Variants in PPP3CA observed in about 807,000 individuals in gnomAD.
The protein encoded by PPP3CA is CAM-PRP catalytic subunit.
In PPP3CA, 14 loss-of-function variants were observed where a neutral mutation model predicts 66.5. The observed-to-expected ratio is 0.21, with a 90% CI of 0.14 to 0.33. PPP3CA has a LOEUF of 0.33. PPP3CA is among the 10% of genes least tolerant of loss of function. The pLI is 1.00. For synonymous variants in PPP3CA, 232 were observed against 226.2 expected (o/e 1.03, Z -0.23); for missense variants, 317 against 639.5 (o/e 0.50, Z 5.44).
intron 1 of PPP3CA, among the ~76,000 whole-genome samples, chr4:101,273,925 ATTGAT>A (rs1727410967): frequency 6.6e-6 from 1 of 152,134 alleles, no homozygotes; most frequent in African/African-American, 2.4e-5. Flanking sequence ...AAATTTTATA[ATTGAT>A]TTAAGTAAAA....
At chr4:101,155,793 T>G (rs1723299037) in intron 2 of PPP3CA, among the ~76,000 whole-genome samples, 1 of 152,228 alleles carries the variant, frequency 6.6e-6, no homozygotes, top group Non-Finnish European at 1.5e-5. Flanking sequence ...TTGAAATAAT[T>G]TTATTCTCAA....
chr4:101,041,905 A>T (rs1273648691), intron 10 of PPP3CA, among the ~76,000 whole-genome samples: 4 of 151,818 alleles, frequency 2.6e-5, no homozygotes, highest in Non-Finnish European at 4.4e-5. Flanking sequence ...CCAAATGAAC[A>T]GTTTGAGTCA....
At chr4:101,059,062 A>G (rs1728349076) in intron 10 of PPP3CA, among the ~76,000 whole-genome samples, 1 of 152,138 alleles carries the variant, frequency 6.6e-6, no homozygotes. Flanking sequence ...AAAGGAATAT[A>G]GTGAAAGGTA....
chr4:101,157,783 A>AT (rs1723371788), intron 2 of PPP3CA, among the ~76,000 whole-genome samples: 1 of 139,356 alleles, frequency 7.2e-6, no homozygotes, highest in African/African-American at 2.7e-5. Flanking sequence ...TAATTCCCTG[A>AT]TTTTTTAAAA....
At chr4:101,119,514 CA>C (rs1721955973) in intron 2 of PPP3CA, among the ~76,000 whole-genome samples, 1 of 150,476 alleles carries the variant, frequency 6.6e-6, no homozygotes, top group South Asian at 2.1e-4. Flanking sequence ...AAAACAAAAA[CA>C]AAAACAAAAA....
intron 8 of PPP3CA, among the ~76,000 whole-genome samples, chr4:101,075,656 C>A (rs991609597): frequency 1.3e-5 from 2 of 152,078 alleles, no homozygotes; most frequent in African/African-American, 4.8e-5. Context: ...AGGTTCATTG[C>A]AATTTTTGGC....
intron 1 of PPP3CA, among the ~76,000 whole-genome samples, chr4:101,276,624 C>T (rs1445937867): frequency 6.6e-6 from 1 of 152,130 alleles, no homozygotes; most frequent in Non-Finnish European, 1.5e-5. Context: ...CTCATCCCAT[C>T]ATGCATTCAT....
At chr4:101,080,426 A>G in intron 8 of PPP3CA, 106 bp downstream of exon 8, 1 of 467,550 alleles carries the variant, frequency 2.1e-6, no homozygotes, top group Non-Finnish European at 3.4e-6. Context: ...AAAAAATTTT[A>G]AAAAAAAAGA....
chr4:101,250,020 C>T (rs1293869798), intron 1 of PPP3CA, among the ~76,000 whole-genome samples: 1 of 151,878 alleles, frequency 6.6e-6, no homozygotes, highest in African/African-American at 2.4e-5. Flanking sequence ...ACTTCTGAAA[C>T]GCTGTATAAG....
rs1288961445 is a variant in PPP3CA, at chr4:101,039,450, G to A, written c.1241+1032C>T. Among the ~76,000 whole-genome samples, 2 of 144,996 alleles carry A rather than the reference G, an allele frequency of 1.4e-5. 1 individual carries two copies. The highest frequency in any genetic ancestry group is 3.1e-5 in the Non-Finnish European group (2 of 64,696). On this transcript the variant is annotated intron_variant, in intron 11 of 13. Coordinates refer to ENST00000394854, the MANE Select transcript of PPP3CA (RefSeq NM_000944.5). The stretch of plus-strand genomic sequence containing the variant: ...GTAGTTGGAAACGTACAGCAATAGA[G>A]CAAAGGTAGCCTCATTCAATAACGG...
At chr4:101,136,527 C>A (rs148187266) in intron 2 of PPP3CA, among the ~76,000 whole-genome samples, 8 of 147,930 alleles carry the variant, frequency 5.4e-5, no homozygotes, top group African/African-American at 2.1e-4. Context: ...GGTGACAGAA[C>A]GAGACTCCGC....
At chr4:101,032,455 A>G (rs1578388985) in intron 11 of PPP3CA, 91 bp from the exon 12 acceptor site, 3 of 1,034,440 alleles carry the variant, frequency 2.9e-6, no homozygotes, top group South Asian at 2.7e-5. Flanking sequence ...GCATATAAGC[A>G]CCCACATTTC....
intron 2 of PPP3CA, among the ~76,000 whole-genome samples, chr4:101,141,480 C>T (rs1722806902): frequency 6.6e-6 from 1 of 152,128 alleles, no homozygotes; most frequent in Non-Finnish European, 1.5e-5. Context: ...TTGCTTCGGC[C>T]ACAGTGGTCA....
rs1434945640 is a variant in PPP3CA at position 101,080,234 on chromosome 4, TA to T, written c.955+297del. Among the ~76,000 whole-genome samples the T allele has an allele frequency of 3.9e-5, 6 of 152,306 alleles. No individual in the cohort carries two copies. The South Asian group carries it at 8.3e-4, about 21-fold the overall frequency. On this transcript the variant is annotated intron_variant, in intron 8 of 13. Coordinates refer to ENST00000394854, the MANE Select transcript of PPP3CA (RefSeq NM_000944.5). ...CTTTTTAAGAAGCATGATTTTGGATTATTTCCAATTATTATTTCTTTTAAAG... is the reference window on the plus strand; with the variant it reads ...CTTTTTAAGAAGCATGATTTTGGATTTTTCCAATTATTATTTCTTTTAAAG...
intron 1 of PPP3CA, among the ~76,000 whole-genome samples, chr4:101,273,255 T>C (rs1727388294): frequency 6.6e-6 from 1 of 152,202 alleles, no homozygotes; most frequent in Non-Finnish European, 1.5e-5. Context: ...CATTTTTCAT[T>C]CAGAGATTCT....
At chr4:101,097,026 C>A (rs1730226814) in intron 5 of PPP3CA, among the ~76,000 whole-genome samples, 1 of 152,086 alleles carries the variant, frequency 6.6e-6, no homozygotes, top group East Asian at 1.9e-4. Flanking sequence ...TAATGATAAG[C>A]AAGATCTAGA....
At chr4:101,289,048 T>TA (rs1727935913) in intron 1 of PPP3CA, among the ~76,000 whole-genome samples, 1 of 148,716 alleles carries the variant, frequency 6.7e-6, no homozygotes. Context: ...GGTTTCAATT[T>TA]TAAAAAAAAG....
At chr4:101,268,692 A>G (rs1180374506) in intron 1 of PPP3CA, among the ~76,000 whole-genome samples, 1 of 152,138 alleles carries the variant, frequency 6.6e-6, no homozygotes, top group African/African-American at 2.4e-5. Flanking sequence ...TATTATTTAT[A>G]CTTGCTGGAA....
intron 13 of PPP3CA, among the ~76,000 whole-genome samples, chr4:101,027,247 A>C (rs1351532462): frequency 1.4e-5 from 2 of 146,442 alleles, no homozygotes; most frequent in East Asian, 3.9e-4. Flanking sequence ...TATCCTCCCA[A>C]CCTTATTTGG....
Sources: allele counts gnomAD v4.1 joint callset (sites outside exome capture counted in the v4.1 genomes callset), GRCh38; gene constraint gnomAD v4.1.1; transcripts MANE v1.5; gene names NCBI Gene and HGNC (gene_info 2026-07-23, HGNC 2026-07-21).